Variants in PRKCA observed in about 807,000 individuals in gnomAD.
PRKCA encodes the protein protein kinase C alpha, also known as protein kinase C alpha type.
In PRKCA, 27 loss-of-function variants were observed where a neutral mutation model predicts 87.0. The ratio of observed to expected loss-of-function variants is 0.31; its 90% CI spans 0.23 to 0.43. PRKCA has a LOEUF of 0.43. PRKCA is among the 20% of genes least tolerant of loss of function. The probability of loss-of-function intolerance (pLI) is 1.00; values close to 1 mark genes in which losing one functional copy is unlikely to be tolerated. For synonymous variants in PRKCA, 329 were observed against 311.1 expected, an observed-to-expected ratio of 1.06 and a Z score of -0.61; for missense variants, 518 against 852.3, an observed-to-expected ratio of 0.61 and a Z score of 4.88.
chr17:66,643,815 T>G (rs374382677), intron 4 of PRKCA, among the ~76,000 whole-genome samples: 3 of 152,254 alleles, frequency 2.0e-5, no homozygotes, highest in African/African-American at 7.2e-5. Flanking sequence ...CAATCCTAGA[T>G]AGAGTTCCAC....
In PRKCA at chr17:66,807,017, T is replaced by G. The variant is rs956685355; in HGVS notation, c.*2980T>G. The stretch of plus-strand genomic sequence containing the variant: ...TGGAAGACTGTCATGTAGATAACCA[T>G]GAGCAATGGCTCGCCTCAGAATCAG... On this transcript the variant is annotated 3_prime_UTR_variant, in exon 17 of 17. Coordinates refer to ENST00000413366, the MANE Select transcript of PRKCA (RefSeq NM_002737.3). The surrounding 1 kb of genome is among the most constrained non-coding windows in gnomAD (Gnocchi z 4.3). The G allele has an allele frequency of 6.6e-6, 1 of 152,286 alleles. No individual in the cohort carries two copies. Among genetic ancestry groups the G allele is most frequent in the South Asian group, 2.1e-4 (1 of 4,836 alleles). The allele number at this position is 152,286 out of a possible 1,614,324, so 9.4% of individuals were successfully genotyped here. A position where few individuals can be genotyped will look rare whatever the true frequency, so the allele number is the denominator to read the frequency against.
At chr17:66,499,357 A>G (rs1426619746) in intron 3 of PRKCA, among the ~76,000 whole-genome samples, 1 of 152,134 alleles carries the variant, frequency 6.6e-6, no homozygotes, top group Non-Finnish European at 1.5e-5. Context: ...ATGATTTCCT[A>G]AGGGGCTATA....
At chr17:66,466,813 A>G (rs1002722937) in intron 2 of PRKCA, among the ~76,000 whole-genome samples, 8 of 152,038 alleles carry the variant, frequency 5.3e-5, no homozygotes, top group Non-Finnish European at 1.0e-4. Context: ...GAATTCCTTC[A>G]CGCTGGGGTC....
chr17:66,477,810 G>A (rs1345137234), intron 2 of PRKCA, among the ~76,000 whole-genome samples: 1 of 152,066 alleles, frequency 6.6e-6, no homozygotes, highest in Admixed American at 6.6e-5. Context: ...TGTAACCATC[G>A]GCACAGTCCT....
At chr17:66,719,737 T>C (rs1371390846) in intron 8 of PRKCA, among the ~76,000 whole-genome samples, 2 of 152,250 alleles carry the variant, frequency 1.3e-5, no homozygotes, top group Non-Finnish European at 2.9e-5. Flanking sequence ...GCTGCACTCC[T>C]GTCTGGAAGA....
chr17:66,456,704 G>A (rs1004827438), intron 2 of PRKCA, among the ~76,000 whole-genome samples: 3 of 152,298 alleles, frequency 2.0e-5, no homozygotes, highest in Middle Eastern at 3.4e-3. Flanking sequence ...TGGCAGAAAA[G>A]ACAAAGGCCA....
chr17:66,363,526 C>G (rs1028638911), intron 2 of PRKCA, among the ~76,000 whole-genome samples: 5 of 152,170 alleles, frequency 3.3e-5, no homozygotes, highest in African/African-American at 1.2e-4. Flanking sequence ...GGCAAATTAT[C>G]TATCATTTAG....
At chr17:66,538,929 C>T (rs146746436) in intron 3 of PRKCA, among the ~76,000 whole-genome samples, 224 of 152,260 alleles carry the variant, frequency 1.5e-3, no homozygotes, top group African/African-American at 5.2e-3. Flanking sequence ...TCCTGAGCCC[C>T]GGTATCTGAG....
At chr17:66,314,875 A>ATGTGTGTG (rs56889057) in intron 2 of PRKCA, among the ~76,000 whole-genome samples, 13 of 148,666 alleles carry the variant, frequency 8.7e-5, no homozygotes, top group Admixed American at 2.0e-4. Context: ...ATATATATAT[A>ATGTGTGTG]TGTGTGTGTG....
chr17:66,511,661 G>A (rs1329289189), intron 3 of PRKCA, among the ~76,000 whole-genome samples: 2 of 151,858 alleles, frequency 1.3e-5, no homozygotes, highest in Admixed American at 1.3e-4. Context: ...GCTCAAATCA[G>A]GTCATTCTCT....
chr17:66,626,191 C>CT (rs1970848372), intron 3 of PRKCA, among the ~76,000 whole-genome samples: 1 of 150,726 alleles, frequency 6.6e-6, no homozygotes, highest in Non-Finnish European at 1.5e-5. Context: ...TTGTCTTCCT[C>CT]TTTTTCTTTT....
intron 2 of PRKCA, among the ~76,000 whole-genome samples, chr17:66,422,746 G>A (rs562496389): frequency 3.9e-5 from 6 of 152,220 alleles, no homozygotes; most frequent in Non-Finnish European, 7.4e-5. Context: ...TTAACACAGT[G>A]GTTGGATTAT....
intron 2 of PRKCA, among the ~76,000 whole-genome samples, chr17:66,382,652 G>A (rs981493659): frequency 9.9e-5 from 15 of 152,246 alleles, no homozygotes; most frequent in Middle Eastern, 3.4e-3. Context: ...AGAAAAAATA[G>A]GGAGTAGACA....
chr17:66,417,700 G>T (rs977989037), intron 2 of PRKCA, among the ~76,000 whole-genome samples: 1 of 152,102 alleles, frequency 6.6e-6, no homozygotes, highest in African/African-American at 2.4e-5. Context: ...CCAGGCTCAC[G>T]TTTGGTCTTT....
chr17:66,661,657 C>T (rs1971907174), intron 5 of PRKCA, among the ~76,000 whole-genome samples: 1 of 152,206 alleles, frequency 6.6e-6, no homozygotes, highest in Non-Finnish European at 1.5e-5. Context: ...TTCAGCCACC[C>T]AGTGCATTAA....
chr17:66,465,760 A>T (rs1465305921), intron 2 of PRKCA, among the ~76,000 whole-genome samples: 4 of 152,174 alleles, frequency 2.6e-5, no homozygotes. Flanking sequence ...TTATGAACAA[A>T]GGTAGCTTTA....
intron 3 of PRKCA, among the ~76,000 whole-genome samples, chr17:66,571,911 T>G (rs1357466046): frequency 6.6e-6 from 1 of 152,184 alleles, no homozygotes; most frequent in Non-Finnish European, 1.5e-5. Flanking sequence ...TGTATGATAG[T>G]GCAGGGAACG....
chr17:66,428,879 G>C (rs1335264976), intron 2 of PRKCA, among the ~76,000 whole-genome samples: 1 of 152,110 alleles, frequency 6.6e-6, no homozygotes, highest in Admixed American at 6.5e-5. Context: ...GAGAGTAAAG[G>C]ATCATTGAAG....
chr17:66,506,031 C>T (rs1916961009), intron 3 of PRKCA, among the ~76,000 whole-genome samples: 1 of 152,150 alleles, frequency 6.6e-6, no homozygotes, highest in Admixed American at 6.5e-5. Flanking sequence ...CGCTGTGGCT[C>T]ATGCCTATAA....
Sources: allele counts gnomAD v4.1 joint callset (sites outside exome capture counted in the v4.1 genomes callset), GRCh38; gene constraint gnomAD v4.1.1; non-coding constraint Gnocchi (gnomAD v3.1); transcripts MANE v1.5; gene names NCBI Gene and HGNC (gene_info 2026-07-23, HGNC 2026-07-21).